The following MPRIP variants were observed in gnomAD, a reference collection of about 807,000 sequenced individuals.
MPRIP encodes the protein myosin phosphatase Rho-interacting protein.
MPRIP carries 59 observed loss-of-function variants against 234.9 expected under a neutral mutation model. The observed-to-expected ratio is 0.25, with a 90% CI of 0.20 to 0.31. MPRIP has a LOEUF of 0.31. MPRIP is among the 10% of genes least tolerant of loss of function. The pLI is 1.00. For synonymous variants in MPRIP, 1,144 were observed against 1,263.9 expected (o/e 0.91, Z 2.01); for missense variants, 2,436 against 3,071.0 (o/e 0.79, Z 4.89).
At chr17:17,112,434 T>C (rs2090191510) in intron 3 of MPRIP, among the ~76,000 whole-genome samples, 1 of 152,234 alleles carries the variant, frequency 6.6e-6, no homozygotes, top group Non-Finnish European at 1.5e-5. Context: ...GTCTTCCTCA[T>C]CACTGTGACC....
intron 18 of MPRIP, 140 bp from the exon 19 acceptor site, chr17:17,173,776 G>A (rs750911230): frequency 4.1e-6 from 4 of 983,990 alleles, no homozygotes; most frequent in Non-Finnish European, 6.4e-6. Flanking sequence ...CCCTTACTCT[G>A]TATGACCCAG....
chr17:17,099,983 A>G (rs2089926060), intron 3 of MPRIP, among the ~76,000 whole-genome samples: 1 of 152,182 alleles, frequency 6.6e-6, no homozygotes, highest in Non-Finnish European at 1.5e-5. Context: ...ACCTGATGTC[A>G]CTCGTGGCAG....
At chr17:17,129,580 C>T (rs563858718) in intron 4 of MPRIP, among the ~76,000 whole-genome samples, 29 of 152,336 alleles carry the variant, frequency 1.9e-4, no homozygotes, top group African/African-American at 5.8e-4. Flanking sequence ...ACATGAGACA[C>T]CTGCTGTCCT....
rs533229513 is a variant in MPRIP at position 17,190,819 on chromosome 17, A to G, written c.*5925A>G. 57 of 152,344 alleles carry G rather than the reference A, an allele frequency of 3.7e-4. No homozygotes were observed. The highest frequency in any genetic ancestry group is 1.6e-3 in the Admixed American group (25 of 15,300). The allele number at this position is 152,344 out of a possible 1,614,324, so 9.4% of individuals were successfully genotyped here. ...ACTTTGTGAATACTTAAGCTACTGC[A>G]TGCTTGGTGTAGCTTGCAATTTCTC... On this transcript the variant is annotated 3_prime_UTR_variant, in exon 24 of 24. Transcript: ENST00000651222.
At position 17,164,522 on chromosome 17, in the gene MPRIP, GAC is replaced by G; in HGVS notation, c.2935_2936del (p.Gln979AlafsTer29). 8.3e-7 allele frequency: 1 copy of G among 1,210,054 alleles called. No individual in the cohort carries two copies. Among genetic ancestry groups the G allele is most frequent in the Non-Finnish European group, 1.1e-6 (1 of 948,236 alleles). The allele number at this position is 1,210,054 out of a possible 1,614,324, so 75.0% of individuals were successfully genotyped here. On this transcript the variant is annotated frameshift_variant, in exon 16 of 24. Transcript: ENST00000651222. LOFTEE classifies it high-confidence loss of function. The part of the protein sequence containing the change: ...EKTQELRGLE[T>X]QQALQRDRQK... Reference sequence around the variant, plus strand: ...AGACGCAGGAGCTACGGGGCCTGGAGACACAGCAGGCGCTGCAGCGGGACCGG... The same window carrying G: ...AGACGCAGGAGCTACGGGGCCTGGAGACAGCAGGCGCTGCAGCGGGACCGG...
At chr17:17,069,227 T>C (rs1300604632) in intron 1 of MPRIP, among the ~76,000 whole-genome samples, 1 of 151,784 alleles carries the variant, frequency 6.6e-6, no homozygotes, top group African/African-American at 2.4e-5. Flanking sequence ...ATATAATTTA[T>C]CTGATAACAT....
At chr17:17,095,098 A>T (rs2089809578) in intron 3 of MPRIP, among the ~76,000 whole-genome samples, 1 of 151,890 alleles carries the variant, frequency 6.6e-6, no homozygotes, top group Non-Finnish European at 1.5e-5. Flanking sequence ...TGAATTGTTA[A>T]TTTCTTAGAG....
Position 17,078,111 on chromosome 17 carries a change from C to T in MPRIP, c.267+35C>T. ...ATCCTTGCCCACTCCCTGTCCCCAGCCTTCACCAAGTCCCTCCATTACAGT... is the reference window on the plus strand; with the variant it reads ...ATCCTTGCCCACTCCCTGTCCCCAGTCTTCACCAAGTCCCTCCATTACAGT... On this transcript the variant is annotated intron_variant, in intron 3 of 23. Coordinates refer to ENST00000651222, the MANE Select transcript of MPRIP (RefSeq NM_001364716.4). The surrounding 1 kb of genome is among the most constrained non-coding windows in gnomAD (Gnocchi z 4.3). 2 of 1,609,510 alleles carry T rather than the reference C, an allele frequency of 1.2e-6. No homozygotes were observed. The highest frequency in any genetic ancestry group is 1.7e-6 in the Non-Finnish European group (2 of 1,176,046).
Position 17,138,031 on chromosome 17 carries a change from GC to G in MPRIP, c.857del (p.Pro286ArgfsTer136), listed in dbSNP as rs776499361. ...ACTTGAAGGCTGAAGAACAGCAGCT[GC>G]CCCCGCCGCTCTCCCCTCCCAGCCC... ...QDLKAEEQQL[P>X]PPLSPPSPST... On this transcript the variant is annotated frameshift_variant, in exon 7 of 24. Coordinates refer to ENST00000651222, the MANE Select transcript of MPRIP (RefSeq NM_001364716.4). LOFTEE classifies it high-confidence loss of function. The surrounding 1 kb of genome is among the most constrained non-coding windows in gnomAD (Gnocchi z 5.8). The G allele has an allele frequency of 6.3e-7, 1 of 1,595,748 alleles. No individual in the cohort carries two copies. The highest frequency in any genetic ancestry group is 8.5e-7 in the Non-Finnish European group (1 of 1,171,328).
intron 1 of MPRIP, chr17:17,057,757 C>G: frequency 1.4e-6 from 1 of 713,916 alleles, no homozygotes; most frequent in South Asian, 1.5e-5. Flanking sequence ...CCCCCACCCG[C>G]TGCCCCATCC....
chr17:17,097,383 T>A (rs999292800), intron 3 of MPRIP: 1 of 152,524 alleles, frequency 6.6e-6, no homozygotes, highest in East Asian at 1.9e-4. Flanking sequence ...ATCCCAACAC[T>A]GTGGTAGGCC....
chr17:17,163,371 A>G (rs1597487420), intron 15 of MPRIP, among the ~76,000 whole-genome samples: 1 of 151,932 alleles, frequency 6.6e-6, no homozygotes, highest in African/African-American at 2.4e-5. Context: ...CATGCCTTTC[A>G]GTGTGGGGAG....
intron 3 of MPRIP, among the ~76,000 whole-genome samples, chr17:17,114,822 C>T (rs1406939313): frequency 1.3e-5 from 2 of 152,100 alleles, no homozygotes; most frequent in African/African-American, 4.8e-5. Flanking sequence ...CCTGGTATCT[C>T]GCTGCCCAGG....
At chr17:17,144,280 GGGC>G in intron 9 of MPRIP, among the ~76,000 whole-genome samples, 1 of 152,242 alleles carries the variant, frequency 6.6e-6, no homozygotes, top group Non-Finnish European at 1.5e-5. Flanking sequence ...AGCTCACCAT[GGGC>G]CTCCGGCCTG....
chr17:17,067,633 A>G (rs911506429), intron 1 of MPRIP, among the ~76,000 whole-genome samples: 1 of 152,176 alleles, frequency 6.6e-6, no homozygotes, highest in Non-Finnish European at 1.5e-5. Flanking sequence ...GGAGGGGGGA[A>G]CTACTGTGTA....
chr17:17,176,558 A>T (rs539609338), intron 21 of MPRIP, 46 bp downstream of exon 21: 1 of 1,427,812 alleles, frequency 7.0e-7, no homozygotes, highest in Non-Finnish European at 9.9e-7. Flanking sequence ...AACAGGCTCT[A>T]GGTGACATGC....
At chr17:17,116,935 T>G (rs570464069) in intron 3 of MPRIP, among the ~76,000 whole-genome samples, 1 of 152,350 alleles carries the variant, frequency 6.6e-6, no homozygotes, top group East Asian at 1.9e-4. Flanking sequence ...GGATTGACCC[T>G]TCGGCTTGGT....
chr17:17,085,210 G>GCA (rs2089558469), intron 3 of MPRIP, among the ~76,000 whole-genome samples: 2 of 152,244 alleles, frequency 1.3e-5, no homozygotes, highest in East Asian at 3.9e-4. Flanking sequence ...CCCTGTGTAG[G>GCA]CACCTCCCGG....
At chr17:17,092,412 T>G (rs997249076) in intron 3 of MPRIP, among the ~76,000 whole-genome samples, 1 of 152,172 alleles carries the variant, frequency 6.6e-6, no homozygotes, top group Non-Finnish European at 1.5e-5. Context: ...GCAGAATATG[T>G]CATTGTGACA....
Sources: gnomAD v4.1 joint callset for allele counts (sites outside exome capture counted in the v4.1 genomes callset) on GRCh38, gnomAD v4.1.1 for gene constraint, Gnocchi (gnomAD v3.1) non-coding constraint, MANE v1.5 for transcripts, NCBI Gene and HGNC (gene_info 2026-07-23, HGNC 2026-07-21) for gene names.